INPP5B: variants seen among roughly 807,000 people sequenced by gnomAD.
The protein encoded by INPP5B is type II inositol 1,4,5-trisphosphate 5-phosphatase.
Under a neutral mutation model 118.5 loss-of-function variants are expected in INPP5B, and 90 were observed. The ratio of observed to expected loss-of-function variants is 0.76; its 90% CI spans 0.64 to 0.90. The LOEUF is 0.90. INPP5B is among the 40% of genes least tolerant of loss of function. The probability of loss-of-function intolerance (pLI) is 0.00; values close to 1 mark genes in which losing one functional copy is unlikely to be tolerated. For missense variants in INPP5B, 984 were observed against 1,125.6 expected (o/e 0.87, Z 1.80); for synonymous variants, 385 against 418.9 (o/e 0.92, Z 0.99).
Position 37,862,116 on chromosome 1 carries a change from G to A in INPP5B, c.*199C>T. 2.1e-6 allele frequency: 1 copy of A among 487,430 alleles called. No individual in the cohort carries two copies. Among genetic ancestry groups the A allele is most frequent in the East Asian group, 3.1e-5 (1 of 31,770 alleles). The allele number at this position is 487,430 out of a possible 1,614,324, so 30.2% of individuals were successfully genotyped here. Reference sequence around the variant, plus strand: ...ATTGAATGTCAGTTTTATTATGGTGGATTTTCTCCCGTGTCTTCACGACTC... The same window carrying A: ...ATTGAATGTCAGTTTTATTATGGTGAATTTTCTCCCGTGTCTTCACGACTC... On this transcript the variant is annotated 3_prime_UTR_variant, in exon 24 of 24. Coordinates refer to ENST00000373024, the MANE Select transcript of INPP5B (RefSeq NM_005540.3).
In INPP5B at chr1:37,896,763, C is replaced by T. The variant is rs182445103; in HGVS notation, c.533-5309G>A. ...CCCCGCCCGGCCAGCCGCCCCGTCC[C>T]GGAGGGAGGGAGGTGGGGGGGTCAG... On this transcript the variant is annotated intron_variant, in intron 7 of 23. Coordinates refer to ENST00000373024, the MANE Select transcript of INPP5B (RefSeq NM_005540.3). 2.2e-5 allele frequency among the ~76,000 whole-genome samples: 2 copies of T among 90,880 alleles called. 1 individual carries two copies. The highest frequency in any genetic ancestry group is 8.5e-5 in the African/African-American group (2 of 23,422). The allele number at this position is 90,880 out of a possible 152,430, so 59.6% of individuals were successfully genotyped here. A position where few individuals can be genotyped will look rare whatever the true frequency, so the allele number is the denominator to read the frequency against.
At chr1:37,900,784 A>G (rs1461029780) in intron 7 of INPP5B, among the ~76,000 whole-genome samples, 1 of 150,174 alleles carries the variant, frequency 6.7e-6, no homozygotes, top group Non-Finnish European at 1.5e-5. Context: ...AGATGCCACC[A>G]CACCCAGCTA....
intron 9 of INPP5B, among the ~76,000 whole-genome samples, chr1:37,888,979 G>A (rs1257409756): frequency 6.6e-6 from 1 of 152,236 alleles, no homozygotes; most frequent in Non-Finnish European, 1.5e-5. Context: ...GAGGCCAGGT[G>A]TGGTGGTTCA....
intron 6 of INPP5B, among the ~76,000 whole-genome samples, chr1:37,939,451 G>T (rs1220888441): frequency 1.4e-4 from 20 of 142,176 alleles, no homozygotes; most frequent in Admixed American, 2.8e-4. Context: ...TTTTGTTTTT[G>T]TTTTTTTTTT....
At chr1:37,911,513 C>A (rs1428307178) in intron 7 of INPP5B, among the ~76,000 whole-genome samples, 7 of 152,152 alleles carry the variant, frequency 4.6e-5, no homozygotes, top group Non-Finnish European at 7.3e-5. Context: ...CGCCACTCAC[C>A]AGCAAAGGGA....
intron 15 of INPP5B, among the ~76,000 whole-genome samples, chr1:37,878,999 T>C (rs1643018898): frequency 6.7e-6 from 1 of 149,092 alleles, no homozygotes; most frequent in African/African-American, 2.4e-5. Flanking sequence ...GGCTCACGCC[T>C]GTAATCCCAG....
intron 7 of INPP5B, among the ~76,000 whole-genome samples, chr1:37,913,339 G>A (rs1331092937): frequency 2.1e-5 from 3 of 142,308 alleles, no homozygotes; most frequent in Non-Finnish European, 1.6e-5. Flanking sequence ...CCTGGTATAT[G>A]ACAACATAAA....
intron 12 of INPP5B, among the ~76,000 whole-genome samples, chr1:37,886,628 A>G (rs1643552703): frequency 6.6e-6 from 1 of 152,226 alleles, no homozygotes; most frequent in South Asian, 2.1e-4. Context: ...AACATACTTC[A>G]TGGGTGAAAT....
chr1:37,896,721 AG>A (rs1367643638), intron 7 of INPP5B, among the ~76,000 whole-genome samples: 84 of 99,580 alleles, frequency 8.4e-4, no homozygotes, highest in Non-Finnish European at 1.5e-3. Flanking sequence ...TCCGGGAGGG[AG>A]GTGGGGGAGT....
At chr1:37,868,347 C>T (rs1338108487) in intron 20 of INPP5B, among the ~76,000 whole-genome samples, 154 bp downstream of exon 20, 1 of 151,610 alleles carries the variant, frequency 6.6e-6, no homozygotes, top group Non-Finnish European at 1.5e-5. Flanking sequence ...CAGGGTCTCC[C>T]AGGAGTGTGA....
At chr1:37,902,550 T>C (rs1052410782) in intron 7 of INPP5B, among the ~76,000 whole-genome samples, 2 of 152,136 alleles carry the variant, frequency 1.3e-5, no homozygotes, top group Non-Finnish European at 2.9e-5. Context: ...TAAAACCCTA[T>C]TTCTACAAAA....
Position 37,887,005 on chromosome 1 carries a change from C to T in INPP5B, c.1015-1G>A. Reference sequence around the variant, plus strand: ...TCCCAACCAGTCGGATAAGCTTCACCTGGAAAAGAGAGACATGGCATTAAA... The same window carrying T: ...TCCCAACCAGTCGGATAAGCTTCACTTGGAAAAGAGAGACATGGCATTAAA... On this transcript the variant is annotated splice_acceptor_variant, in intron 11 of 23. Transcript: ENST00000373024. LOFTEE classifies it high-confidence loss of function. 1 of 1,612,468 alleles carries T rather than the reference C, an allele frequency of 6.2e-7. No homozygotes were observed. The highest frequency in any genetic ancestry group is 8.5e-7 in the Non-Finnish European group (1 of 1,178,708).
In INPP5B at chr1:37,909,263, T is replaced by G. The variant is rs574408457; in HGVS notation, c.533-17809A>C. Among the ~76,000 whole-genome samples the G allele has an allele frequency of 1.3e-3, 205 of 152,272 alleles. 2 individuals carry two copies. Among genetic ancestry groups the G allele is most frequent in the African/African-American group, 4.8e-3 (199 of 41,568 alleles). Reference sequence around the variant, plus strand: ...TTCCTTCAGTCTCCACCCCAAGCTCTGAATCCTGGGAATCCTCCTTTTCTA... The same window carrying G: ...TTCCTTCAGTCTCCACCCCAAGCTCGGAATCCTGGGAATCCTCCTTTTCTA... On this transcript the variant is annotated intron_variant, in intron 7 of 23. Transcript: ENST00000373024.
At chr1:37,938,363 A>G (rs899427769) in intron 6 of INPP5B, among the ~76,000 whole-genome samples, 21 of 152,150 alleles carry the variant, frequency 1.4e-4, no homozygotes, top group Non-Finnish European at 2.2e-4. Context: ...AATGTGTGAA[A>G]AGTTCTTGGA....
At chr1:37,941,665 G>A (rs976729963) in intron 5 of INPP5B, among the ~76,000 whole-genome samples, 4 of 149,292 alleles carry the variant, frequency 2.7e-5, no homozygotes, top group South Asian at 2.1e-4. Flanking sequence ...AGGGCCGGGC[G>A]CGGTGGCTCA....
At chr1:37,926,787 G>A (rs1396363266) in intron 7 of INPP5B, among the ~76,000 whole-genome samples, 1 of 152,054 alleles carries the variant, frequency 6.6e-6, no homozygotes, top group Non-Finnish European at 1.5e-5. Flanking sequence ...TTTACAGACT[G>A]ACTTGGATAA....
In INPP5B at chr1:37,899,981, T is replaced by C. The variant is rs542975028; in HGVS notation, c.533-8527A>G. On this transcript the variant is annotated intron_variant, in intron 7 of 23. Transcript: ENST00000373024. Reference sequence around the variant, plus strand: ...CGCCCGCCTTGGCCTCCCAGAGTGCTAGGATTACAGGCGTGAGCCACTGTG... The same window carrying C: ...CGCCCGCCTTGGCCTCCCAGAGTGCCAGGATTACAGGCGTGAGCCACTGTG... Among the ~76,000 whole-genome samples the C allele has an allele frequency of 1.4e-4, 21 of 151,956 alleles. No homozygotes were observed. The South Asian group carries it at 1.7e-3, about 12-fold the overall frequency.
At chr1:37,926,211 C>T (rs950848179) in intron 7 of INPP5B, among the ~76,000 whole-genome samples, 10 of 152,176 alleles carry the variant, frequency 6.6e-5, no homozygotes, top group African/African-American at 1.9e-4. Context: ...GCATGACAGA[C>T]TTTAATACTT....
intron 5 of INPP5B, chr1:37,941,958 A>AAAAATATATATATATATATATAT (rs1427344681): frequency 3.3e-5 from 1 of 30,390 alleles, no homozygotes; most frequent in Non-Finnish European, 6.6e-5. Context: ...AAAAAAAAAA[A>AAAAATATATATATATATATATAT]ATATATATAT....
Sources: gnomAD v4.1 joint callset for allele counts (sites outside exome capture counted in the v4.1 genomes callset) on GRCh38, gnomAD v4.1.1 for gene constraint, MANE v1.5 for transcripts, NCBI Gene and HGNC (gene_info 2026-07-23, HGNC 2026-07-21) for gene names.